The following PHF24 variants were observed in gnomAD, a reference collection of about 807,000 sequenced individuals.
PHF24 encodes the protein Galpha inhibitory interacting protein.
Under a neutral mutation model 42.6 loss-of-function variants are expected in PHF24, and 25 were observed. That is an observed-to-expected ratio of 0.59 (90% confidence interval 0.43 to 0.82). The LOEUF is 0.82. Among genes scored for constraint, PHF24 ranks in the 40% least tolerant of loss-of-function variants. PHF24 has a pLI of 0.00. For synonymous variants in PHF24, 185 were observed against 204.8 expected, an observed-to-expected ratio of 0.90 and a Z score of 0.83; for missense variants, 470 against 538.1, an observed-to-expected ratio of 0.87 and a Z score of 1.25.
At chr9:34,920,867 GA>G in the PHF24 span, among the ~76,000 whole-genome samples, 1 of 152,230 alleles carries the variant, frequency 6.6e-6, no homozygotes, top group South Asian at 2.1e-4. Context: ...CCACTTTACT[GA>G]ATTTGTTTTT....
At chr9:34,863,878 G>A in the PHF24 span, among the ~76,000 whole-genome samples, 2 of 152,188 alleles carry the variant, frequency 1.3e-5, no homozygotes, top group Non-Finnish European at 2.9e-5. Context: ...CTGTTTTGAG[G>A]AAACTCAAAT....
At chr9:34,666,531 T>C in the PHF24 span, among the ~76,000 whole-genome samples, 1 of 149,760 alleles carries the variant, frequency 6.7e-6, no homozygotes, top group Admixed American at 6.7e-5. Flanking sequence ...TCCTCTCTGG[T>C]CTGAGACCTA....
chr9:34,730,742 G>C, the PHF24 span, among the ~76,000 whole-genome samples: 2 of 152,192 alleles, frequency 1.3e-5, no homozygotes, highest in African/African-American at 4.8e-5. Flanking sequence ...CATCAGAGAG[G>C]GCTCCTGGGT....
At chr9:34,943,914 G>C in the PHF24 span, among the ~76,000 whole-genome samples, 1 of 152,236 alleles carries the variant, frequency 6.6e-6, no homozygotes, top group African/African-American at 2.4e-5. Context: ...CCACTGTGGT[G>C]CTAGTGCTGC....
the PHF24 span, among the ~76,000 whole-genome samples, chr9:34,676,208 G>A: frequency 8.0e-3 from 1,214 of 152,274 alleles, 7 homozygotes; most frequent in African/African-American, 0.022. Context: ...AAGAAGTGGC[G>A]CAGATACCAG....
the PHF24 span, chr9:34,833,600 T>G: frequency 6.5e-7 from 1 of 1,548,578 alleles, no homozygotes; most frequent in South Asian, 1.2e-5. Flanking sequence ...CCATTGTATC[T>G]CTAGGACCTT....
At chr9:34,919,557 T>C in the PHF24 span, among the ~76,000 whole-genome samples, 38 of 152,222 alleles carry the variant, frequency 2.5e-4, no homozygotes, top group African/African-American at 8.7e-4. Context: ...TTTCTTTGTG[T>C]TCCAAACATT....
chr9:34,891,656 G>A, the PHF24 span, among the ~76,000 whole-genome samples: 4 of 152,180 alleles, frequency 2.6e-5, no homozygotes, highest in African/African-American at 9.7e-5. Flanking sequence ...TCCTGGAGGT[G>A]GAATCCTAGC....
the PHF24 span, among the ~76,000 whole-genome samples, chr9:34,797,684 T>G: frequency 6.6e-6 from 1 of 151,256 alleles, no homozygotes; most frequent in Non-Finnish European, 1.5e-5. Flanking sequence ...CTGCTCCTCT[T>G]GATGTCCAGC....
chr9:34,861,413 T>C, the PHF24 span, among the ~76,000 whole-genome samples: 3 of 152,350 alleles, frequency 2.0e-5, no homozygotes, highest in South Asian at 4.1e-4. Context: ...GATCTGCCAG[T>C]AAATTGTCTG....
the PHF24 span, among the ~76,000 whole-genome samples, chr9:34,869,587 C>T: frequency 0.018 from 2,756 of 152,142 alleles, 100 homozygotes; most frequent in African/African-American, 0.063. Context: ...CCCCTGCCTC[C>T]CACTTTACCC....
the PHF24 span, chr9:34,726,741 A>ATGACAG: frequency 6.4e-7 from 1 of 1,551,702 alleles, no homozygotes; most frequent in Non-Finnish European, 8.7e-7. Context: ...GGGGTTACAG[A>ATGACAG]TGACAGTGAA....
chr9:34,917,177 G>T, the PHF24 span: 1 of 1,416,892 alleles, frequency 7.1e-7, no homozygotes, highest in South Asian at 1.1e-5. Context: ...CTTCCACCAT[G>T]ACCACCTCAG....
chr9:34,933,724 CAA>C, the PHF24 span, among the ~76,000 whole-genome samples: 1 of 110,620 alleles, frequency 9.0e-6, no homozygotes. Context: ...GACTCTGTCT[CAA>C]AAAAAAAAAA....
the PHF24 span, among the ~76,000 whole-genome samples, chr9:34,868,256 AAAAG>A: frequency 6.6e-6 from 1 of 152,198 alleles, no homozygotes; most frequent in Non-Finnish European, 1.5e-5. Flanking sequence ...CAATTTGAGA[AAAAG>A]AAAGAATCAT....
chr9:34,917,044 G>T, the PHF24 span: 1 of 597,376 alleles, frequency 1.7e-6, no homozygotes, highest in Non-Finnish European at 3.0e-6. Context: ...AATCATGAGG[G>T]AGAGTCAAGA....
exon 8 of PHF24, chr9:34,981,777 T>C (rs867079642): frequency 1.3e-5 from 2 of 151,472 alleles, no homozygotes; most frequent in South Asian, 4.2e-4. Flanking sequence ...CAAGCTCTTA[T>C]CTGAAAAAAT....
At chr9:34,736,013 A>G in the PHF24 span, among the ~76,000 whole-genome samples, 1 of 152,130 alleles carries the variant, frequency 6.6e-6, no homozygotes, top group Non-Finnish European at 1.5e-5. Context: ...TGGAAATAGT[A>G]AGTATAGTTA....
At chr9:34,967,196 A>G (rs916522075) in intron 1 of PHF24, among the ~76,000 whole-genome samples, 12 of 152,222 alleles carry the variant, frequency 7.9e-5, no homozygotes, top group African/African-American at 2.9e-4. Flanking sequence ...TAAACTGTTC[A>G]TCTTTCACCA....
Sources: allele counts gnomAD v4.1 joint callset (sites outside exome capture counted in the v4.1 genomes callset), GRCh38; gene constraint gnomAD v4.1.1; transcripts MANE v1.5; gene names NCBI Gene and HGNC (gene_info 2026-07-23, HGNC 2026-07-21).